Variants in MEMO1 observed in about 807,000 individuals in gnomAD.
MEMO1 encodes the protein protein MEMO1.
Under a neutral mutation model 45.2 loss-of-function variants are expected in MEMO1, and 6 were observed. That is an observed-to-expected ratio of 0.13 (90% CI 0.07 to 0.26). The LOEUF is 0.26. MEMO1 is among the 10% of genes least tolerant of loss of function. The probability of loss-of-function intolerance (pLI) is 1.00; values close to 1 mark genes in which losing one functional copy is unlikely to be tolerated. For synonymous variants in MEMO1, 78 were observed against 124.3 expected (o/e 0.63, Z 2.48); for missense variants, 184 against 370.5 (o/e 0.50, Z 4.13).
intron 6 of MEMO1, among the ~76,000 whole-genome samples, chr2:31,904,918 T>C (rs999037488): frequency 2.6e-5 from 4 of 152,136 alleles, no homozygotes; most frequent in Non-Finnish European, 5.9e-5. Context: ...GTGATTCATG[T>C]AAGAAAAAAT....
chr2:31,904,302 T>A (rs887589766), intron 6 of MEMO1, among the ~76,000 whole-genome samples: 1 of 152,264 alleles, frequency 6.6e-6, no homozygotes, highest in African/African-American at 2.4e-5. Flanking sequence ...ACCAGCTTGC[T>A]GAGATTGTTT....
chr2:31,998,333 G>A (rs982122411), intron 2 of MEMO1, among the ~76,000 whole-genome samples: 5 of 151,956 alleles, frequency 3.3e-5, no homozygotes, highest in Non-Finnish European at 7.4e-5. Context: ...TCTTTACTTG[G>A]TTCCCAGGAC....
In MEMO1 at chr2:31,967,556, T is replaced by C. The variant is rs556937331; in HGVS notation, c.62-24173A>G. Among the ~76,000 whole-genome samples the C allele has an allele frequency of 1.1e-3, 174 of 152,246 alleles. 2 individuals are homozygous for C. The highest frequency in any genetic ancestry group is 3.0e-3 in the African/African-American group (126 of 41,552). On this transcript the variant is annotated intron_variant, in intron 2 of 9. Coordinates refer to ENST00000404530, the MANE Select transcript of MEMO1 (RefSeq NM_001301833.4). ...CTTGACCTCCGGGCTCAAGCAATCCTCCCATGTCAGCCTTCCAAGTAACTG... is the reference window on the plus strand; with the variant it reads ...CTTGACCTCCGGGCTCAAGCAATCCCCCCATGTCAGCCTTCCAAGTAACTG...
chr2:31,973,473 G>C (rs1669644269), intron 2 of MEMO1, among the ~76,000 whole-genome samples: 1 of 151,466 alleles, frequency 6.6e-6, no homozygotes, highest in Non-Finnish European at 1.5e-5. Context: ...AAAAAAAAAA[G>C]AATTAAAAGC....
At chr2:31,943,475 G>A (rs1208251125) in intron 2 of MEMO1, 92 bp from the exon 3 acceptor site, 12 of 883,286 alleles carry the variant, frequency 1.4e-5, no homozygotes, top group Non-Finnish European at 2.1e-5. Context: ...ACTTATGTGG[G>A]ACTAAACTAG....
chr2:31,978,146 GTA>G (rs1469311566), intron 2 of MEMO1, among the ~76,000 whole-genome samples: 2 of 152,086 alleles, frequency 1.3e-5, no homozygotes, highest in African/African-American at 4.8e-5. Flanking sequence ...CAGCACTGTG[GTA>G]AGTCAAGGCG....
At chr2:31,997,977 C>T (rs536108343) in intron 2 of MEMO1, among the ~76,000 whole-genome samples, 69 of 152,260 alleles carry the variant, frequency 4.5e-4, no homozygotes, top group African/African-American at 1.6e-3. Flanking sequence ...AATGCCCAGG[C>T]AAATCTACAT....
At chr2:31,897,481 G>A (rs1678034132) in intron 6 of MEMO1, among the ~76,000 whole-genome samples, 1 of 152,180 alleles carries the variant, frequency 6.6e-6, no homozygotes, top group Non-Finnish European at 1.5e-5. Flanking sequence ...CAATCATGTG[G>A]TTTTTGTCAT....
At chr2:31,875,887 A>G (rs1009144532) in intron 8 of MEMO1, among the ~76,000 whole-genome samples, 14 of 151,924 alleles carry the variant, frequency 9.2e-5, no homozygotes, top group Admixed American at 9.2e-4. Flanking sequence ...GGGTTTCGTC[A>G]TGTTGGCTAG....
intron 3 of MEMO1, among the ~76,000 whole-genome samples, chr2:31,938,008 A>T (rs1665124375): frequency 6.6e-6 from 1 of 152,164 alleles, no homozygotes; most frequent in South Asian, 2.1e-4. Flanking sequence ...TTCAATATAT[A>T]TCTCTGCGAC....
intron 7 of MEMO1, among the ~76,000 whole-genome samples, chr2:31,885,044 T>C (rs1256874666): frequency 6.6e-6 from 1 of 152,252 alleles, no homozygotes; most frequent in Admixed American, 6.5e-5. Context: ...TTTATTTTTC[T>C]GTAAAGAATG....
chr2:31,905,734 A>G (rs1414054205), intron 6 of MEMO1, among the ~76,000 whole-genome samples: 3 of 152,202 alleles, frequency 2.0e-5, no homozygotes, highest in Non-Finnish European at 4.4e-5. Flanking sequence ...ATTCTCTTCA[A>G]TTCATCTTAA....
intron 2 of MEMO1, among the ~76,000 whole-genome samples, chr2:31,982,456 G>A (rs760102296): frequency 1.3e-5 from 2 of 151,646 alleles, no homozygotes; most frequent in Admixed American, 6.6e-5. Context: ...TGGGCATGGA[G>A]GTGAACGCCT....
chr2:31,868,117 T>G lies in MEMO1; in HGVS notation c.*244A>C, dbSNP rs1673125087. ...CTGCCACAACTGAGCCTTTACATTGTCATCTTTTTTGATCAAAATATTTTG... is the reference window on the plus strand; with the variant it reads ...CTGCCACAACTGAGCCTTTACATTGGCATCTTTTTTGATCAAAATATTTTG... On this transcript the variant is annotated 3_prime_UTR_variant, in exon 10 of 10. Coordinates refer to ENST00000404530, the MANE Select transcript of MEMO1 (RefSeq NM_001301833.4). 1 of 360,938 alleles carries G rather than the reference T, an allele frequency of 2.8e-6. No individual in the cohort carries two copies. Among genetic ancestry groups the G allele is most frequent in the Non-Finnish European group, 4.6e-6 (1 of 217,888 alleles). 22.4% of individuals were successfully genotyped at this position (360,938 alleles called of 1,614,324 possible).
chr2:31,964,253 C>A (rs1294406014), intron 2 of MEMO1, among the ~76,000 whole-genome samples: 1 of 151,674 alleles, frequency 6.6e-6, no homozygotes, highest in East Asian at 1.9e-4. Flanking sequence ...CACAAACACA[C>A]ACACAAACAC....
intron 2 of MEMO1, among the ~76,000 whole-genome samples, chr2:31,964,762 G>A (rs1342844168): frequency 1.3e-5 from 2 of 151,970 alleles, no homozygotes; most frequent in African/African-American, 2.4e-5. Context: ...AAAAATCACT[G>A]AGTAGACAGG....
intron 2 of MEMO1, among the ~76,000 whole-genome samples, chr2:31,961,590 C>CT (rs1012356193): frequency 2.9e-4 from 44 of 150,838 alleles, no homozygotes; most frequent in African/African-American, 1.1e-3. Context: ...CAGTGAGACT[C>CT]TGTCTCTATA....
chr2:31,976,172 A>T (rs1257090221), intron 2 of MEMO1, among the ~76,000 whole-genome samples: 1 of 152,236 alleles, frequency 6.6e-6, no homozygotes, highest in African/African-American at 2.4e-5. Flanking sequence ...CACAGTTTAA[A>T]ATTTTTAAAT....
intron 3 of MEMO1, among the ~76,000 whole-genome samples, chr2:31,938,793 T>G (rs1478764924): frequency 6.6e-6 from 1 of 150,988 alleles, no homozygotes; most frequent in Non-Finnish European, 1.5e-5. Flanking sequence ...AATATTTTTT[T>G]TTTTTTTTTT....
Sources: gnomAD v4.1 joint callset for allele counts (sites outside exome capture counted in the v4.1 genomes callset) on GRCh38, gnomAD v4.1.1 for gene constraint, MANE v1.5 for transcripts, NCBI Gene and HGNC (gene_info 2026-07-23, HGNC 2026-07-21) for gene names.